AP1M1: variants seen among roughly 807,000 people sequenced by gnomAD.
AP1M1 encodes the protein adaptor related protein complex 1 subunit mu 1, also known as AP-1 complex subunit mu-1.
AP1M1 carries 18 observed loss-of-function variants against 57.1 expected under a neutral mutation model. That is an observed-to-expected ratio of 0.32 (90% CI 0.22 to 0.47). The LOEUF (loss-of-function observed/expected upper bound fraction) is 0.47, where lower values mean the gene tolerates loss of function less well. AP1M1 is among the 20% of genes least tolerant of loss of function. AP1M1 has a pLI of 1.00. For missense variants in AP1M1, 362 were observed against 593.5 expected, an observed-to-expected ratio of 0.61 and a Z score of 4.05; for synonymous variants, 241 against 237.9, an observed-to-expected ratio of 1.01 and a Z score of -0.12.
At chr19:16,199,112 A>G (rs66768650) in intron 1 of AP1M1, among the ~76,000 whole-genome samples, 18,015 of 152,172 alleles carry the variant, frequency 0.12, 1,338 homozygotes, top group East Asian at 0.33. Context: ...AGGGCTCAAC[A>G]ATCTGTGTTC....
intron 5 of AP1M1, among the ~76,000 whole-genome samples, chr19:16,210,685 G>A (rs1236533351): frequency 2.6e-5 from 4 of 151,688 alleles, no homozygotes; most frequent in Non-Finnish European, 4.4e-5. Flanking sequence ...TCAGCCTCCC[G>A]AGTAGCTGGG....
intron 5 of AP1M1, among the ~76,000 whole-genome samples, chr19:16,220,855 T>C (rs2091541067): frequency 6.6e-6 from 1 of 152,242 alleles, no homozygotes; most frequent in Admixed American, 6.5e-5. Context: ...CACTTTAATA[T>C]GTTATACCAC....
intron 5 of AP1M1, among the ~76,000 whole-genome samples, chr19:16,210,612 T>C (rs1599456004): frequency 6.6e-6 from 1 of 152,204 alleles, no homozygotes; most frequent in Non-Finnish European, 1.5e-5. Flanking sequence ...CAGGCTGGAG[T>C]GCAATGGCAC....
In AP1M1 at chr19:16,208,160, AG is replaced by A. The variant is rs2091477605; in HGVS notation, c.398+15del. 6.2e-7 allele frequency: 1 copy of A among 1,610,204 alleles called. No individual in the cohort carries two copies. The highest frequency in any genetic ancestry group is 1.7e-5 in the Admixed American group (1 of 59,442). On this transcript the variant is annotated intron_variant, in intron 4 of 11. Transcript: ENST00000291439. Reference sequence around the variant, plus strand: ...CAAGATCCTGCAGGAGTGAGTGGGCAGGGGTGGGGCCTGGGGCCAGGCCTGG... The same window carrying A: ...CAAGATCCTGCAGGAGTGAGTGGGCAGGGTGGGGCCTGGGGCCAGGCCTGG...
In AP1M1 at chr19:16,206,525, G is replaced by C; in HGVS notation, c.267+117G>C. 1 of 1,099,060 alleles carries C rather than the reference G, an allele frequency of 9.1e-7. No homozygotes were observed. The allele number at this position is 1,099,060 out of a possible 1,614,324, so 68.1% of individuals were successfully genotyped here. A position where few individuals can be genotyped will look rare whatever the true frequency, so the allele number is the denominator to read the frequency against. On this transcript the variant is annotated intron_variant, in intron 3 of 11. Coordinates refer to ENST00000291439, the MANE Select transcript of AP1M1 (RefSeq NM_032493.4). The surrounding 1 kb of genome is among the most constrained non-coding windows in gnomAD (Gnocchi z 4.3). ...CTGTGGCATCCCCAGGGAGCACTGGGGCTGGAAGCCCAGGAAGTGGGAAAG... is the reference window on the plus strand; with the variant it reads ...CTGTGGCATCCCCAGGGAGCACTGGCGCTGGAAGCCCAGGAAGTGGGAAAG...
At chr19:16,204,418 A>G (rs1201562928) in intron 2 of AP1M1, among the ~76,000 whole-genome samples, 3 of 152,114 alleles carry the variant, frequency 2.0e-5, no homozygotes, top group Non-Finnish European at 4.4e-5. Context: ...AGCCCGTTTG[A>G]GCCCCAGCTC....
At position 16,203,910 on chromosome 19, in the gene AP1M1, G is replaced by C. The variant is rs926253779; in HGVS notation, c.199+295G>C. On this transcript the variant is annotated intron_variant, in intron 2 of 11. Coordinates refer to ENST00000291439, the MANE Select transcript of AP1M1 (RefSeq NM_032493.4). The surrounding 1 kb of genome is among the most constrained non-coding windows in gnomAD (Gnocchi z 4.6). Reference sequence around the variant, plus strand: ...GGAGGCCTGGCTTCTGCCAGCTGGAGGGGTGGGCAGGCACTAGGCGTGGGT... The same window carrying C: ...GGAGGCCTGGCTTCTGCCAGCTGGACGGGTGGGCAGGCACTAGGCGTGGGT... Among the ~76,000 whole-genome samples, 5 of 152,184 alleles carry C rather than the reference G, an allele frequency of 3.3e-5. No homozygotes were observed. The highest frequency in any genetic ancestry group is 1.2e-4 in the African/African-American group (5 of 41,440).
chr19:16,198,088 C>A lies in AP1M1; in HGVS notation c.42+20C>A. 1 of 1,593,962 alleles carries A rather than the reference C, an allele frequency of 6.3e-7. No individual in the cohort carries two copies. Among genetic ancestry groups the A allele is most frequent in the Non-Finnish European group, 8.5e-7 (1 of 1,173,372 alleles). On this transcript the variant is annotated intron_variant, in intron 1 of 11. Transcript: ENST00000291439. ...GGCAAGGTACTGAGGGCTCCCCACC[C>A]TCCCTGTTGCCAGGCAACCGGCAGG...
rs2091659185 is a variant in AP1M1 at position 16,245,070 on chromosome 19, A to T, written c.*10635A>T. On this transcript the variant is annotated 3_prime_UTR_variant, in exon 12 of 12. Transcript: ENST00000291439. ...CGCCACCAGGCCTGCCTAACTTTGT[A>T]TTTTTGGTAGAGGCGGGGTTTCTCC... 1 of 148,196 alleles carries T rather than the reference A, an allele frequency of 6.7e-6. No individual in the cohort carries two copies. The highest frequency in any genetic ancestry group is 1.5e-5 in the Non-Finnish European group (1 of 67,128). 9.2% of individuals were successfully genotyped at this position (148,196 alleles called of 1,614,324 possible). A position where few individuals can be genotyped will look rare whatever the true frequency, so the allele number is the denominator to read the frequency against.
At chr19:16,205,164 C>T (rs2091464405) in intron 2 of AP1M1, among the ~76,000 whole-genome samples, 1 of 152,132 alleles carries the variant, frequency 6.6e-6, no homozygotes, top group African/African-American at 2.4e-5. Flanking sequence ...AACTGACAGT[C>T]CTCTGAAGCC....
At chr19:16,201,585 A>G (rs2091447478) in intron 1 of AP1M1, among the ~76,000 whole-genome samples, 1 of 151,872 alleles carries the variant, frequency 6.6e-6, no homozygotes, top group Non-Finnish European at 1.5e-5. Context: ...TTTAGTAGAG[A>G]CAGGGTTTCA....
At chr19:16,218,761 A>G (rs1345279712) in intron 5 of AP1M1, among the ~76,000 whole-genome samples, 2 of 152,200 alleles carry the variant, frequency 1.3e-5, no homozygotes, top group African/African-American at 4.8e-5. Flanking sequence ...TTGGGTAAGC[A>G]AGGTATAGAG....
chr19:16,222,206 TTA>T (rs1382752745), intron 5 of AP1M1, among the ~76,000 whole-genome samples: 2 of 125,302 alleles, frequency 1.6e-5, no homozygotes, highest in Admixed American at 8.0e-5. Flanking sequence ...ACTATTATTA[TTA>T]TTATTTTTTT....
chr19:16,210,010 T>C (rs1198961399), intron 5 of AP1M1, among the ~76,000 whole-genome samples: 2 of 152,208 alleles, frequency 1.3e-5, no homozygotes, highest in East Asian at 1.9e-4. Context: ...CTGGCCACCA[T>C]TGAACTGTTC....
rs2091577737 is a variant in AP1M1, at chr19:16,227,803, T to C, written c.816+113T>C. 2.2e-6 allele frequency: 3 copies of C among 1,334,072 alleles called. No homozygotes were observed. The highest frequency in any genetic ancestry group is 2.1e-6 in the Non-Finnish European group (2 of 961,696). The allele number at this position is 1,334,072 out of a possible 1,614,324, so 82.6% of individuals were successfully genotyped here. On this transcript the variant is annotated intron_variant, in intron 7 of 11. Coordinates refer to ENST00000291439, the MANE Select transcript of AP1M1 (RefSeq NM_032493.4). The surrounding 1 kb of genome is among the most constrained non-coding windows in gnomAD (Gnocchi z 6.2). ...CAGCCCCACCCCACGCTCCATGAGC[T>C]GCCTGGCTCTGCAGAGATGGAGTCT...
intron 1 of AP1M1, among the ~76,000 whole-genome samples, chr19:16,201,391 T>TC: frequency 7.8e-6 from 1 of 127,422 alleles, no homozygotes; most frequent in African/African-American, 3.1e-5. Flanking sequence ...AGGATTTCTT[T>TC]TTTTTTTTTT....
intron 9 of AP1M1, among the ~76,000 whole-genome samples, chr19:16,232,358 G>A (rs979728327): frequency 1.8e-4 from 28 of 152,238 alleles, no homozygotes; most frequent in Admixed American, 1.4e-3. Context: ...TCGGCTCAAC[G>A]TGACGACACA....
chr19:16,206,524 G>C lies in AP1M1; in HGVS notation c.267+116G>C. The stretch of plus-strand genomic sequence containing the variant: ...GCTGTGGCATCCCCAGGGAGCACTG[G>C]GGCTGGAAGCCCAGGAAGTGGGAAA... On this transcript the variant is annotated intron_variant, in intron 3 of 11. Transcript: ENST00000291439. The surrounding 1 kb of genome is among the most constrained non-coding windows in gnomAD (Gnocchi z 4.3). 9.0e-7 allele frequency: 1 copy of C among 1,113,920 alleles called. No homozygotes were observed. Among genetic ancestry groups the C allele is most frequent in the South Asian group, 1.4e-5 (1 of 72,902 alleles). 69.0% of individuals were successfully genotyped at this position (1,113,920 alleles called of 1,614,324 possible). A position where few individuals can be genotyped will look rare whatever the true frequency, so the allele number is the denominator to read the frequency against.
At position 16,201,290 on chromosome 19, in the gene AP1M1, G is replaced by T. The variant is rs75908748; in HGVS notation, c.43-2169G>T. On this transcript the variant is annotated intron_variant, in intron 1 of 11. Coordinates refer to ENST00000291439, the MANE Select transcript of AP1M1 (RefSeq NM_032493.4). ...GGATGTCAGACAGTAAAGGAGGATAGAAATAAATGTTTAATGCACCAGGTG... is the reference window on the plus strand; with the variant it reads ...GGATGTCAGACAGTAAAGGAGGATATAAATAAATGTTTAATGCACCAGGTG... Among the ~76,000 whole-genome samples, 476 of 148,952 alleles carry T rather than the reference G, an allele frequency of 3.2e-3. 2 individuals are homozygous for T. Among genetic ancestry groups the T allele is most frequent in the African/African-American group, 0.011 (461 of 40,836 alleles).
Sources: allele counts gnomAD v4.1 joint callset (sites outside exome capture counted in the v4.1 genomes callset), GRCh38; gene constraint gnomAD v4.1.1; non-coding constraint Gnocchi (gnomAD v3.1); transcripts MANE v1.5; gene names NCBI Gene and HGNC (gene_info 2026-07-23, HGNC 2026-07-21).